BMS1: variants seen among roughly 807,000 people sequenced by gnomAD.
The protein encoded by BMS1 is BMS1 ribosome biogenesis factor, also known as ribosome biogenesis protein BMS1 homolog.
In BMS1, 53 loss-of-function variants were observed where a neutral mutation model predicts 138.7. The ratio of observed to expected loss-of-function variants is 0.38; its 90% CI spans 0.31 to 0.48. The LOEUF is 0.48. Among genes scored for constraint, BMS1 ranks in the 20% least tolerant of loss-of-function variants. BMS1 has a pLI of 0.97. For synonymous variants in BMS1, 504 were observed against 539.9 expected (o/e 0.93, Z 0.92); for missense variants, 1,360 against 1,565.5 (o/e 0.87, Z 2.22).
chr10:42,806,729 C>T (rs528843409), intron 13 of BMS1, among the ~76,000 whole-genome samples: 3 of 136,100 alleles, frequency 2.2e-5, no homozygotes, highest in East Asian at 4.2e-4. Context: ...CACGAGACTC[C>T]GTCTCAGGAA....
chr10:42,815,881 G>T (rs1842333159), intron 13 of BMS1, among the ~76,000 whole-genome samples: 2 of 152,196 alleles, frequency 1.3e-5, no homozygotes, highest in Non-Finnish European at 2.9e-5. Context: ...TGTGTTACAC[G>T]ATTGTGTTGT....
At chr10:42,800,255 G>C (rs533451867) in intron 12 of BMS1, among the ~76,000 whole-genome samples, 1 of 152,108 alleles carries the variant, frequency 6.6e-6, no homozygotes, top group Non-Finnish European at 1.5e-5. Flanking sequence ...ATTTAAATTT[G>C]ATTTTTATTT....
In BMS1 at chr10:42,831,915, T is replaced by C. The variant is rs1259873578; in HGVS notation, c.*819T>C. On this transcript the variant is annotated 3_prime_UTR_variant, in exon 23 of 23. Coordinates refer to ENST00000374518, the MANE Select transcript of BMS1 (RefSeq NM_014753.4). ...CATAGGCGATGTATGTATTTTATGATTGTATGTTGATATAGTTATGGGGAA... is the reference window on the plus strand; with the variant it reads ...CATAGGCGATGTATGTATTTTATGACTGTATGTTGATATAGTTATGGGGAA... 2 of 152,200 alleles carry C rather than the reference T, an allele frequency of 1.3e-5. No homozygotes were observed. Among genetic ancestry groups the C allele is most frequent in the Non-Finnish European group, 2.9e-5 (2 of 68,034 alleles). 9.4% of individuals were successfully genotyped at this position (152,200 alleles called of 1,614,324 possible).
intron 4 of BMS1, among the ~76,000 whole-genome samples, chr10:42,789,592 G>GTT (rs11337884): frequency 2.0e-5 from 3 of 147,978 alleles, no homozygotes; most frequent in Non-Finnish European, 3.0e-5. Flanking sequence ...TAATCTTACT[G>GTT]TTTTTTTTTT....
intron 13 of BMS1, among the ~76,000 whole-genome samples, chr10:42,807,626 C>T (rs976937827): frequency 4.6e-5 from 7 of 152,128 alleles, no homozygotes; most frequent in Non-Finnish European, 7.3e-5. Context: ...CATGCACCAC[C>T]GTGCCTGGCT....
chr10:42,808,444 G>A (rs376319012), intron 13 of BMS1, among the ~76,000 whole-genome samples: 1 of 151,474 alleles, frequency 6.6e-6, no homozygotes, highest in East Asian at 1.9e-4. Context: ...GACTACAGGC[G>A]CCCACCACCA....
chr10:42,826,907 G>A (rs995087862), intron 21 of BMS1, among the ~76,000 whole-genome samples: 3 of 152,276 alleles, frequency 2.0e-5, no homozygotes, highest in African/African-American at 7.2e-5. Flanking sequence ...GCAGCTGGGA[G>A]GGGAGGGGCA....
rs1842377531 is a variant in BMS1, at chr10:42,817,343, A to G, written c.2429A>G (p.Lys810Arg). 6.2e-7 allele frequency: 1 copy of G among 1,605,256 alleles called. No individual in the cohort carries two copies. The highest frequency in any genetic ancestry group is 1.3e-5 in the African/African-American group (1 of 74,346). Reference protein sequence around the residue: ...TQNEDIEKEVKEEIDPDEEES... With the variant: ...TQNEDIEKEVREEIDPDEEES... ...AATGAAGATATAGAGAAAGAAGTTA[A>G]GGAAGAAATTGACCCCGACGAAGAA... Residue 810 changes from lysine to arginine, a missense_variant, in exon 15 of 23, where the codon AAG becomes AGG. Around this residue, in one of 3 missense-constraint regions of BMS1, gnomAD observed 697 missense variants for 686.2 expected, o/e 1.02. Transcript: ENST00000374518.
chr10:42,793,119 A>G lies in BMS1; in HGVS notation c.1064A>G (p.Asp355Gly). The change falls in exon 8 of 23, where the codon GAC (aspartate) becomes GGC (glycine). Residue 355 changes from aspartate (D) to glycine (G), a missense_variant. Asp to Gly is a moderately conservative substitution (Grantham distance 94, BLOSUM62 -1). Around this residue, in one of 3 missense-constraint regions of BMS1, gnomAD observed 697 missense variants for 686.2 expected, o/e 1.02. Transcript: ENST00000374518. ...TATGACAAAGACGCTGTCTATGTTG[A>G]CCTTGGTGGCAGCCACGTTTTTCAG... The part of the protein sequence containing the change: ...VLYDKDAVYV[D>G]LGGSHVFQDE... 1 of 1,608,856 alleles carries G rather than the reference A, an allele frequency of 6.2e-7. No homozygotes were observed.
At chr10:42,785,226 C>T (rs975122667) in intron 2 of BMS1, among the ~76,000 whole-genome samples, 28 of 152,114 alleles carry the variant, frequency 1.8e-4, no homozygotes, top group Admixed American at 1.6e-3. Context: ...GTTTAATTTT[C>T]GCTCTCTATA....
chr10:42,830,075 A>G (rs1842758106), intron 21 of BMS1, among the ~76,000 whole-genome samples, 186 bp from the exon 22 acceptor site: 1 of 152,096 alleles, frequency 6.6e-6, no homozygotes, highest in Admixed American at 6.6e-5. Flanking sequence ...TTTACTGAGA[A>G]TTGTGGGTGT....
chr10:42,787,043 T>C (rs1841356674), intron 3 of BMS1, 125 bp from the exon 4 acceptor site: 1 of 741,930 alleles, frequency 1.3e-6, no homozygotes, highest in Non-Finnish European at 2.3e-6. Flanking sequence ...AATGAACTTC[T>C]TGTATGCTCC....
Position 42,797,153 on chromosome 10 carries a change from G to A in BMS1, c.1909G>A (p.Glu637Lys), listed in dbSNP as rs1359763675. The A allele has an allele frequency of 1.2e-6, 2 of 1,613,962 alleles. No individual in the cohort carries two copies. Among genetic ancestry groups the A allele is most frequent in the South Asian group, 1.1e-5 (1 of 90,980 alleles). ...ACTGGGGCCACAGAACTTCATTGAT[G>A]AGACCAGTGATATAGAAAATTTACT... Reference protein sequence around the residue: ...QKLGPQNFIDETSDIENLLKE... With the variant: ...QKLGPQNFIDKTSDIENLLKE... The change falls in exon 10 of 23, where the codon GAG becomes AAG. Residue 637 changes from glutamate to lysine, a missense_variant. Physicochemically the swap from Glu to Lys is moderately conservative, Grantham distance 56 (BLOSUM62 1). Coordinates refer to ENST00000374518, the MANE Select transcript of BMS1 (RefSeq NM_014753.4).
intron 13 of BMS1, among the ~76,000 whole-genome samples, chr10:42,811,135 G>A (rs555412863): frequency 1.3e-5 from 2 of 151,654 alleles, no homozygotes; most frequent in Non-Finnish European, 2.9e-5. Context: ...CTCCACCTCC[G>A]GGTTCAAGTG....
At chr10:42,804,519 T>C (rs1841959934) in intron 13 of BMS1, among the ~76,000 whole-genome samples, 1 of 152,188 alleles carries the variant, frequency 6.6e-6, no homozygotes, top group Admixed American at 6.5e-5. Context: ...CGTCTGTGTC[T>C]TCTTTGATGA....
At chr10:42,798,436 T>C (rs1401903075) in intron 11 of BMS1, 32 bp from the exon 12 acceptor site, 1 of 1,613,776 alleles carries the variant, frequency 6.2e-7, no homozygotes. Context: ...GTAATTTTTG[T>C]TCTCACTTTT....
chr10:42,828,175 C>T (rs1392265796), intron 21 of BMS1, among the ~76,000 whole-genome samples: 4 of 152,300 alleles, frequency 2.6e-5, no homozygotes, highest in South Asian at 2.1e-4. Context: ...CAGTTCCTGA[C>T]GTAGATTTGT....
chr10:42,804,730 A>T (rs1003745062), intron 13 of BMS1, among the ~76,000 whole-genome samples: 4 of 147,182 alleles, frequency 2.7e-5, no homozygotes, highest in South Asian at 2.2e-4. Flanking sequence ...TCAAAAAAAA[A>T]TTTTTTTTTT....
intron 4 of BMS1, among the ~76,000 whole-genome samples, chr10:42,790,065 CA>C (rs1250017703): frequency 2.6e-5 from 4 of 152,130 alleles, no homozygotes; most frequent in African/African-American, 9.7e-5. Context: ...GTCTGGAGTG[CA>C]ACTTTTCCGT....
Sources: allele counts gnomAD v4.1 joint callset (sites outside exome capture counted in the v4.1 genomes callset), GRCh38; gene constraint gnomAD v4.1.1; regional missense constraint gnomAD v4.1.1; transcripts MANE v1.5; gene names NCBI Gene and HGNC (gene_info 2026-07-23, HGNC 2026-07-21).